Variants in MSRB3 observed in about 807,000 individuals in gnomAD.
MSRB3 encodes the protein methionine-R-sulfoxide reductase B3.
Under a neutral mutation model 21.0 loss-of-function variants are expected in MSRB3, and 13 were observed. The ratio of observed to expected loss-of-function variants is 0.62; its 90% confidence interval spans 0.40 to 0.98. The LOEUF (loss-of-function observed/expected upper bound fraction) is 0.98, where lower values mean the gene tolerates loss of function less well. Among genes scored for constraint, MSRB3 ranks in the 50% least tolerant of loss-of-function variants. The probability of loss-of-function intolerance (pLI) is 0.00; values close to 1 mark genes in which losing one functional copy is unlikely to be tolerated. For synonymous variants in MSRB3, 87 were observed against 88.6 expected (o/e 0.98, Z 0.10); for missense variants, 199 against 230.3 (o/e 0.86, Z 0.88).
chr12:65,383,747 G>A (rs1425436845), intron 5 of MSRB3, among the ~76,000 whole-genome samples: 3 of 148,918 alleles, frequency 2.0e-5, no homozygotes, highest in Non-Finnish European at 4.4e-5. Flanking sequence ...TCCAACCTCC[G>A]CCTCCCTGGT....
At chr12:65,333,177 G>A (rs953712773) in intron 4 of MSRB3, among the ~76,000 whole-genome samples, 2 of 152,044 alleles carry the variant, frequency 1.3e-5, no homozygotes, top group African/African-American at 4.8e-5. Flanking sequence ...TAGGTATTGT[G>A]GAATAAATAA....
At chr12:65,288,957 A>G (rs1429890876) in intron 1 of MSRB3, among the ~76,000 whole-genome samples, 3 of 152,332 alleles carry the variant, frequency 2.0e-5, no homozygotes, top group African/African-American at 7.2e-5. Flanking sequence ...AAGAATATAT[A>G]GTGTCTATAT....
chr12:65,354,714 G>T (rs1877279134), intron 4 of MSRB3, among the ~76,000 whole-genome samples: 1 of 151,852 alleles, frequency 6.6e-6, no homozygotes, highest in African/African-American at 2.4e-5. Context: ...ATAAGGCAGT[G>T]AAATGCTGCA....
chr12:65,320,241 A>G (rs1415754552), intron 2 of MSRB3, among the ~76,000 whole-genome samples: 2 of 152,242 alleles, frequency 1.3e-5, no homozygotes, highest in Admixed American at 1.3e-4. Context: ...TCTTTACCTT[A>G]AGAAGAAACA....
At chr12:65,301,514 G>A (rs912762814) in intron 1 of MSRB3, among the ~76,000 whole-genome samples, 5 of 152,090 alleles carry the variant, frequency 3.3e-5, no homozygotes. Flanking sequence ...TAATGAGTAT[G>A]GTTTTTTGAT....
intron 4 of MSRB3, among the ~76,000 whole-genome samples, chr12:65,348,751 G>A (rs978685371): frequency 6.6e-6 from 1 of 151,956 alleles, no homozygotes; most frequent in Non-Finnish European, 1.5e-5. Context: ...CCTACACACG[G>A]CTTTCGATGT....
rs570559596 is a variant in MSRB3, at chr12:65,320,920, G to C, written c.77-5906G>C. On this transcript the variant is annotated intron_variant, in intron 2 of 6. Coordinates refer to ENST00000308259, the MANE Select transcript of MSRB3 (RefSeq NM_001031679.3). ...GTCTCTGCCACTGGAATATGAACTT[G>C]TTAGTGTTTTCATCTCTTGCATTGA... Among the ~76,000 whole-genome samples the C allele has an allele frequency of 7.2e-5, 11 of 152,246 alleles. No homozygotes were observed. In the South Asian group the frequency reaches 1.0e-3, roughly 14 times the overall value.
At chr12:65,411,782 AATATGACT>A (rs1880728354) in intron 5 of MSRB3, among the ~76,000 whole-genome samples, 1 of 149,018 alleles carries the variant, frequency 6.7e-6, no homozygotes, top group Non-Finnish European at 1.5e-5. Context: ...TAATATGTGT[AATATGACT>A]ATAAATTTAT....
At chr12:65,362,637 G>T (rs1877777062) in intron 4 of MSRB3, among the ~76,000 whole-genome samples, 1 of 152,092 alleles carries the variant, frequency 6.6e-6, no homozygotes, top group South Asian at 2.1e-4. Flanking sequence ...GAGTGCAAAG[G>T]AATGACTGGT....
At chr12:65,382,567 A>AT (rs1878994843) in intron 5 of MSRB3, among the ~76,000 whole-genome samples, 1 of 151,446 alleles carries the variant, frequency 6.6e-6, no homozygotes, top group African/African-American at 2.4e-5. Context: ...TTATCTACAT[A>AT]TTTGCTTTTT....
At chr12:65,384,187 A>T (rs1879093959) in intron 5 of MSRB3, among the ~76,000 whole-genome samples, 1 of 152,206 alleles carries the variant, frequency 6.6e-6, no homozygotes, top group South Asian at 2.1e-4. Flanking sequence ...CTTTTATAAA[A>T]AGATTGATAG....
intron 5 of MSRB3, among the ~76,000 whole-genome samples, chr12:65,432,027 C>A (rs972664090): frequency 6.6e-6 from 1 of 151,980 alleles, no homozygotes; most frequent in African/African-American, 2.4e-5. Context: ...AAGAACAAAT[C>A]TAAAATTTTA....
At chr12:65,377,441 G>A (rs560249018) in intron 5 of MSRB3, among the ~76,000 whole-genome samples, 81 of 151,522 alleles carry the variant, frequency 5.3e-4, no homozygotes, top group African/African-American at 1.8e-3. Context: ...TCCGTCCCCC[G>A]CCCTTCTGCA....
chr12:65,296,548 G>T lies in MSRB3; in HGVS notation c.-51-11981G>T, dbSNP rs568592976. ...GAGGATCTTAGAGAGTAACTAAATT[G>T]CTTAAAATATATCAGCTGGTTAGGT... is the stretch of plus-strand genomic sequence containing the variant. On this transcript the variant is annotated intron_variant, in intron 1 of 6. Transcript: ENST00000308259. Among the ~76,000 whole-genome samples, 7 of 152,278 alleles carry T rather than the reference G, an allele frequency of 4.6e-5. No individual in the cohort carries two copies. In the South Asian group the frequency reaches 1.5e-3, roughly 32 times the overall value.
intron 4 of MSRB3, among the ~76,000 whole-genome samples, chr12:65,337,155 A>G (rs1173440224): frequency 1.3e-5 from 2 of 152,158 alleles, no homozygotes; most frequent in Admixed American, 1.3e-4. Context: ...AGGCAGGAGA[A>G]TGGCGTGAAC....
chr12:65,422,388 GTA>G (rs59746471), intron 5 of MSRB3, among the ~76,000 whole-genome samples: 126 of 92,372 alleles, frequency 1.4e-3, no homozygotes, highest in East Asian at 4.6e-3. Context: ...GGAGTACATA[GTA>G]TATATATATA....
chr12:65,361,885 T>C (rs1461203345), intron 4 of MSRB3, among the ~76,000 whole-genome samples: 3 of 152,196 alleles, frequency 2.0e-5, no homozygotes, highest in African/African-American at 7.2e-5. Context: ...TCTAAATTTC[T>C]GGGTTTTAAA....
intron 1 of MSRB3, among the ~76,000 whole-genome samples, chr12:65,299,323 A>G (rs1873170669): frequency 6.6e-6 from 1 of 152,234 alleles, no homozygotes; most frequent in South Asian, 2.1e-4. Context: ...CAACTTACAG[A>G]AAGTAGAAGT....
chr12:65,327,052 T>C, intron 3 of MSRB3, 118 bp downstream of exon 3: 1 of 755,004 alleles, frequency 1.3e-6, no homozygotes, highest in South Asian at 1.5e-5. Context: ...CTAAAGTCTA[T>C]GAATTAGTAT....
Sources: gnomAD v4.1 joint callset for allele counts (sites outside exome capture counted in the v4.1 genomes callset) on GRCh38, gnomAD v4.1.1 for gene constraint, MANE v1.5 for transcripts, NCBI Gene and HGNC (gene_info 2026-07-23, HGNC 2026-07-21) for gene names.